ELF4: variants seen among roughly 807,000 people sequenced by gnomAD.
ELF4 encodes ETS-related transcription factor Elf-4.
In ELF4, 10 loss-of-function variants were observed where a neutral mutation model predicts 31.7. The observed-to-expected ratio is 0.32, with a 90% CI of 0.19 to 0.54. The LOEUF (loss-of-function observed/expected upper bound fraction) is 0.54. Among genes scored for constraint, ELF4 ranks in the 20% least tolerant of loss-of-function variants. ELF4 has a pLI of 0.95. For missense variants in ELF4, 418 were observed against 522.0 expected (o/e 0.80, Z 1.94); for synonymous variants, 208 against 226.7 (o/e 0.92, Z 0.74).
intron 1 of ELF4, among the ~76,000 whole-genome samples, chrX:130,091,910 C>G (rs1933064479): frequency 8.9e-6 from 1 of 111,787 alleles, no homozygotes; most frequent in African/African-American, 3.3e-5. Flanking sequence ...TGATCATTTA[C>G]CCTCAGAACA....
At chrX:130,078,992 G>A (rs1275382575) in intron 2 of ELF4, among the ~76,000 whole-genome samples, 1 of 110,592 alleles carries the variant, frequency 9.0e-6, no homozygotes, top group African/African-American at 3.3e-5. Flanking sequence ...AGAGTGAAAG[G>A]CAGGTAATAA....
At chrX:130,075,476 C>T (rs1377794079) in intron 2 of ELF4, among the ~76,000 whole-genome samples, 1 of 108,990 alleles carries the variant, frequency 9.2e-6, no homozygotes, top group Non-Finnish European at 1.9e-5. Flanking sequence ...TGGAGTTTCA[C>T]CGTGTTAGCC....
chrX:130,071,328 G>A lies in ELF4; in HGVS notation c.616+8C>T, dbSNP rs751557874. 22 of 1,210,398 alleles carry A rather than the reference G, an allele frequency of 1.8e-5. No homozygotes were observed. The highest frequency in any genetic ancestry group is 7.0e-5 in the South Asian group (4 of 56,862). ...TCCCCACCTCACCTGAGTCCCAGCT[G>A]TCCATACCTTTGCCATCCTTTGATT... On this transcript the variant is annotated splice_region_variant and intron_variant, in intron 6 of 8. Transcript: ENST00000308167.
chrX:130,072,521 A>G, intron 4 of ELF4, 104 bp from the exon 5 acceptor site: 2 of 831,244 alleles, frequency 2.4e-6, no homozygotes, highest in South Asian at 4.4e-5. Flanking sequence ...CGGGGGGCTC[A>G]TCCCCCCAGC....
At chrX:130,099,900 G>A (rs1366192038) in intron 1 of ELF4, among the ~76,000 whole-genome samples, 1 of 111,726 alleles carries the variant, frequency 9.0e-6, no homozygotes. Flanking sequence ...GCCTCCCAAA[G>A]TGCTAGGATT....
At chrX:130,095,394 C>G (rs1933131946) in intron 1 of ELF4, among the ~76,000 whole-genome samples, 1 of 112,519 alleles carries the variant, frequency 8.9e-6, no homozygotes, top group Admixed American at 9.4e-5. Flanking sequence ...CACCACTGCC[C>G]AAGAATGGAG....
At position 130,072,263 on chromosome X, in the gene ELF4, C is replaced by T. The variant is rs1448915703; in HGVS notation, c.495G>A (p.Glu165=). 2.5e-6 allele frequency: 3 copies of T among 1,210,593 alleles called. No homozygotes were observed. Among genetic ancestry groups the T allele is most frequent in the Admixed American group, 2.2e-5 (1 of 45,876 alleles). ...ATTTCCCAGTCTTCTTGGCACTTTC[C>T]TCTCTGGAGGCCTTCTCCTCCAGAG... ...GHSLEEKASR[E]ESAKKTGKSK... Residue 165 remains glutamate (E), a synonymous_variant, in exon 5 of 9, where the codon GAG becomes GAA. Coordinates refer to ENST00000308167, the MANE Select transcript of ELF4 (RefSeq NM_001421.4).
chrX:130,102,868 G>GAAAGAA (rs1339743473), intron 1 of ELF4, among the ~76,000 whole-genome samples: 78 of 65,408 alleles, frequency 1.2e-3, no homozygotes, highest in African/African-American at 7.2e-3. Context: ...GAGAGAGAGA[G>GAAAGAA]AGAGAGAGAG....
intron 4 of ELF4, among the ~76,000 whole-genome samples, chrX:130,073,027 CT>C (rs1347702796): frequency 4.5e-5 from 5 of 112,084 alleles, no homozygotes; most frequent in Non-Finnish European, 7.5e-5. Context: ...AAGAGCCTGC[CT>C]TGGGGGCCCT....
chrX:130,087,031 G>A (rs1196496063), intron 1 of ELF4, among the ~76,000 whole-genome samples: 1 of 112,681 alleles, frequency 8.9e-6, no homozygotes, highest in Non-Finnish European at 1.9e-5. Context: ...CACTACAGAA[G>A]CCCCATAGGG....
intron 2 of ELF4, among the ~76,000 whole-genome samples, chrX:130,080,068 T>C (rs1416389692): frequency 8.9e-6 from 1 of 111,895 alleles, no homozygotes; most frequent in Non-Finnish European, 1.9e-5. Context: ...TAGACTGGAA[T>C]GCCCTTTGGA....
intron 1 of ELF4, among the ~76,000 whole-genome samples, chrX:130,096,634 CT>C (rs1208593491): frequency 3.7e-5 from 4 of 107,784 alleles, no homozygotes; most frequent in South Asian, 3.9e-4. Flanking sequence ...AAGCAGTTGT[CT>C]TTTTTTTTTA....
intron 4 of ELF4, 135 bp downstream of exon 4, chrX:130,073,914 G>C: frequency 4.8e-6 from 3 of 622,269 alleles, no homozygotes; most frequent in Non-Finnish European, 7.9e-6. Context: ...AAAGATAAAA[G>C]TCATATGTAT....
In ELF4 at chrX:130,066,809, C is replaced by A; in HGVS notation, c.1904G>T (p.Gly635Val). The change falls in exon 9 of 9, where the codon GGG becomes GTG. Residue 635 changes from glycine (G) to valine (V), a missense_variant. This residue lies in a region of ELF4 where 260 missense variants were observed against 269.2 expected (regional missense o/e 0.97). Coordinates refer to ENST00000308167, the MANE Select transcript of ELF4 (RefSeq NM_001421.4). ...LMAEPSVTTS[G>V]SLLTRSPTPA... The stretch of plus-strand genomic sequence containing the variant: ...GGTGGGGGATCTTGTCAGAAGGCTC[C>A]CAGATGTGGTCACACTAGGCTCAGC... 8.3e-7 allele frequency: 1 copy of A among 1,209,172 alleles called. No homozygotes were observed. The highest frequency in any genetic ancestry group is 2.3e-4 in the Middle Eastern group (1 of 4,321).
chrX:130,100,342 G>A (rs1933229119), intron 1 of ELF4, among the ~76,000 whole-genome samples: 1 of 111,545 alleles, frequency 9.0e-6, no homozygotes, highest in African/African-American at 3.3e-5. Context: ...GACCACACCA[G>A]CCAGACTCGG....
chrX:130,093,109 A>C (rs1167518816), intron 1 of ELF4, among the ~76,000 whole-genome samples: 3 of 110,839 alleles, frequency 2.7e-5, no homozygotes, highest in Non-Finnish European at 5.7e-5. Flanking sequence ...CAGGAGTTCG[A>C]GACCAGCCTG....
chrX:130,103,674 T>C (rs764526505), intron 1 of ELF4, among the ~76,000 whole-genome samples: 7 of 111,836 alleles, frequency 6.3e-5, no homozygotes, highest in Non-Finnish European at 9.4e-5. Flanking sequence ...TGTTATCGGG[T>C]CATCAGGAAT....
intron 1 of ELF4, among the ~76,000 whole-genome samples, chrX:130,101,944 C>G (rs1933268633): frequency 8.9e-6 from 1 of 112,227 alleles, no homozygotes; most frequent in Non-Finnish European, 1.9e-5. Context: ...TGAGACCAGC[C>G]TGGCCAACAT....
intron 1 of ELF4, among the ~76,000 whole-genome samples, chrX:130,107,943 C>G (rs1933404193): frequency 8.9e-6 from 1 of 112,600 alleles, no homozygotes; most frequent in Non-Finnish European, 1.9e-5. Context: ...GGCACAGTGG[C>G]TCACGCCTAT....
Sources: gnomAD v4.1 joint callset for allele counts (sites outside exome capture counted in the v4.1 genomes callset) on GRCh38, gnomAD v4.1.1 for gene constraint, gnomAD v4.1.1 regional missense constraint, MANE v1.5 for transcripts, NCBI Gene and HGNC (gene_info 2026-07-23, HGNC 2026-07-21) for gene names.